The following GUCY1B1 variants were observed in gnomAD, a reference collection of about 807,000 sequenced individuals.
The protein encoded by GUCY1B1 is guanylate cyclase 1 soluble subunit beta 1, also known as guanylate cyclase soluble subunit beta-1.
In GUCY1B1, 43 loss-of-function variants were observed where a neutral mutation model predicts 71.0. The observed-to-expected ratio is 0.61, with a 90% CI of 0.47 to 0.78. The LOEUF is 0.78. GUCY1B1 is among the 30% of genes least tolerant of loss of function. The pLI, the probability that GUCY1B1 is intolerant of heterozygous loss-of-function variation, is 0.00. For missense variants in GUCY1B1, 535 were observed against 754.1 expected (o/e 0.71, Z 3.40); for synonymous variants, 266 against 259.7 (o/e 1.02, Z -0.23).
chr4:155,798,329 C>G (rs1394093951), intron 8 of GUCY1B1, among the ~76,000 whole-genome samples: 1 of 152,082 alleles, frequency 6.6e-6, no homozygotes, highest in Non-Finnish European at 1.5e-5. Context: ...AACCACGAGA[C>G]CGTTATGATT....
At chr4:155,775,210 A>G (rs1210106025) in intron 3 of GUCY1B1, 142 bp downstream of exon 3, 5 of 644,498 alleles carry the variant, frequency 7.8e-6, no homozygotes, top group South Asian at 5.6e-5. Context: ...GGGCATCCAC[A>G]TATCATGTTA....
At chr4:155,774,184 A>G (rs377613379) in intron 2 of GUCY1B1, among the ~76,000 whole-genome samples, 3 of 152,162 alleles carry the variant, frequency 2.0e-5, no homozygotes, top group African/African-American at 7.2e-5. Context: ...CCAACGTCCA[A>G]CCAGGCCAAG....
chr4:155,786,470 T>C (rs28714333), intron 4 of GUCY1B1, among the ~76,000 whole-genome samples: 3,830 of 108,968 alleles, frequency 0.035, 269 homozygotes, highest in African/African-American at 0.14. Flanking sequence ...TCTTTTTTTT[T>C]TTTTTTTTTT....
chr4:155,777,318 A>G (rs1561010261), intron 3 of GUCY1B1, among the ~76,000 whole-genome samples: 1 of 152,200 alleles, frequency 6.6e-6, no homozygotes, highest in Non-Finnish European at 1.5e-5. Flanking sequence ...TGTAAATGCA[A>G]ATGTACACCA....
At chr4:155,798,840 G>A (rs1334919131) in intron 8 of GUCY1B1, among the ~76,000 whole-genome samples, 4 of 82,744 alleles carry the variant, frequency 4.8e-5, no homozygotes, top group Non-Finnish European at 6.1e-5. Flanking sequence ...TTTTGTTGTC[G>A]TTGTTGTTGT....
chr4:155,789,207 GA>G (rs1738994289), intron 4 of GUCY1B1, among the ~76,000 whole-genome samples: 1 of 152,098 alleles, frequency 6.6e-6, no homozygotes, highest in Non-Finnish European at 1.5e-5. Flanking sequence ...TAAGATATTA[GA>G]ATAGTTAAAT....
intron 2 of GUCY1B1, among the ~76,000 whole-genome samples, chr4:155,767,800 T>A (rs1215698245): frequency 6.6e-6 from 1 of 152,174 alleles, no homozygotes; most frequent in African/African-American, 2.4e-5. Context: ...AGGCTATTCA[T>A]GCTCCACAGC....
intron 5 of GUCY1B1, among the ~76,000 whole-genome samples, chr4:155,793,552 C>T (rs1399477638): frequency 6.6e-6 from 1 of 152,100 alleles, no homozygotes; most frequent in Non-Finnish European, 1.5e-5. Flanking sequence ...TACAAGTGTG[C>T]TTGGCTAAGA....
intron 8 of GUCY1B1, 123 bp downstream of exon 8, chr4:155,796,633 C>T (rs1739576825): frequency 1.6e-6 from 1 of 641,218 alleles, no homozygotes; most frequent in Non-Finnish European, 2.6e-6. Flanking sequence ...ATTTTACAGC[C>T]CTTGTTGTGT....
intron 4 of GUCY1B1, among the ~76,000 whole-genome samples, chr4:155,784,249 A>G (rs1200166982): frequency 9.9e-5 from 15 of 152,258 alleles, no homozygotes; most frequent in Non-Finnish European, 7.4e-5. Context: ...AAGAATCTCT[A>G]TATCTTTTCA....
chr4:155,785,870 T>G (rs1738727291), intron 4 of GUCY1B1, among the ~76,000 whole-genome samples: 1 of 152,224 alleles, frequency 6.6e-6, no homozygotes, highest in South Asian at 2.1e-4. Flanking sequence ...ACTTTACTTG[T>G]TCAATTAACT....
At chr4:155,788,678 G>A (rs1738960031) in intron 4 of GUCY1B1, among the ~76,000 whole-genome samples, 1 of 152,202 alleles carries the variant, frequency 6.6e-6, no homozygotes, top group African/African-American at 2.4e-5. Context: ...TTATATACAT[G>A]TTTAAAGTTA....
Position 155,794,034 on chromosome 4 carries a change from G to A in GUCY1B1, c.674G>A (p.Arg225Gln), listed in dbSNP as rs548993170. 29 of 1,611,896 alleles carry A rather than the reference G, an allele frequency of 1.8e-5. No homozygotes were observed. The highest frequency in any genetic ancestry group is 2.2e-5 in the Non-Finnish European group (26 of 1,178,192). ...KAFPFHIIFD[R>Q]DLVVTQCGNA... ...TTTCCTTTTCATATAATATTTGACC[G>A]GGACCTAGTGGTCACTCAGTGTGGC... The change falls in exon 6 of 14, where the codon CGG becomes CAG. Residue 225 changes from arginine to glutamine, a missense_variant. Transcript: ENST00000264424.
intron 8 of GUCY1B1, among the ~76,000 whole-genome samples, chr4:155,797,767 C>A (rs1479990642): frequency 3.5e-5 from 3 of 85,858 alleles, no homozygotes; most frequent in Admixed American, 1.2e-4. Context: ...AATAATATAT[C>A]GTTAATTTTT....
chr4:155,770,084 A>G (rs1010196757), intron 2 of GUCY1B1, among the ~76,000 whole-genome samples: 18 of 152,210 alleles, frequency 1.2e-4, no homozygotes, highest in Admixed American at 1.3e-4. Context: ...CTCTTGAGGA[A>G]AGAACTTAAA....
intron 1 of GUCY1B1, 75 bp from the exon 2 acceptor site, chr4:155,759,712 G>A: frequency 9.7e-7 from 1 of 1,035,176 alleles, no homozygotes; most frequent in Non-Finnish European, 1.5e-6. Flanking sequence ...GGGAGCAGAG[G>A]CAGCAGCCTC....
chr4:155,801,346 G>T (rs1011300837), intron 9 of GUCY1B1, among the ~76,000 whole-genome samples: 9 of 152,194 alleles, frequency 5.9e-5, no homozygotes, highest in Admixed American at 4.6e-4. Flanking sequence ...TTAGAATTTG[G>T]TTTTTGTAGA....
At chr4:155,772,700 A>G (rs1264610604) in intron 2 of GUCY1B1, 1 of 702,442 alleles carries the variant, frequency 1.4e-6, no homozygotes. Context: ...GATAACAGGC[A>G]TGAGCCAACC....
chr4:155,805,839 T>G (rs1348932139), intron 13 of GUCY1B1, among the ~76,000 whole-genome samples: 1 of 152,174 alleles, frequency 6.6e-6, no homozygotes, highest in Non-Finnish European at 1.5e-5. Context: ...TGTGCTAGAA[T>G]GGACTTCAGA....
Sources: allele counts gnomAD v4.1 joint callset (sites outside exome capture counted in the v4.1 genomes callset), GRCh38; gene constraint gnomAD v4.1.1; transcripts MANE v1.5; gene names NCBI Gene and HGNC (gene_info 2026-07-23, HGNC 2026-07-21).